Variants in CACNA2D3 observed in about 807,000 individuals in gnomAD.
CACNA2D3 encodes the protein voltage-dependent calcium channel subunit alpha-2/delta-3.
A neutral mutation model predicts 160.6 loss-of-function variants in CACNA2D3; 60 were observed. The ratio of observed to expected loss-of-function variants is 0.37; its 90% CI spans 0.30 to 0.46. The LOEUF (loss-of-function observed/expected upper bound fraction) is 0.46, where lower values mean the gene tolerates loss of function less well. Ranked by LOEUF, CACNA2D3 falls within the 20% of genes least tolerant of loss-of-function variation. CACNA2D3 has a pLI of 1.00. For synonymous variants in CACNA2D3, 558 were observed against 492.9 expected, an observed-to-expected ratio of 1.13 and a Z score of -1.75; for missense variants, 1,205 against 1,365.0, an observed-to-expected ratio of 0.88 and a Z score of 1.85.
chr3:54,901,666 C>A (rs1700336288), intron 27 of CACNA2D3, among the ~76,000 whole-genome samples: 2 of 152,204 alleles, frequency 1.3e-5, no homozygotes, highest in Non-Finnish European at 2.9e-5. Flanking sequence ...AATTACAGAG[C>A]AAGGCCAAGA....
chr3:54,606,144 T>TTATA (rs60294607), intron 9 of CACNA2D3, among the ~76,000 whole-genome samples: 6 of 150,734 alleles, frequency 4.0e-5, no homozygotes, highest in South Asian at 2.1e-4. Flanking sequence ...TAATGTAACT[T>TTATA]TATATATATA....
Position 54,407,579 on chromosome 3 carries a change from C to T in CACNA2D3, c.381+20805C>T, listed in dbSNP as rs147777911. Among the ~76,000 whole-genome samples the T allele has an allele frequency of 2.5e-3, 387 of 152,192 alleles. 4 individuals carry two copies. Among genetic ancestry groups the T allele is most frequent in the African/African-American group, 8.5e-3 (353 of 41,582 alleles). ...TAATTTAAAAATCAAAGCTACTTCT[C>T]AGTTGTTACACACACACACATCTGA... On this transcript the variant is annotated intron_variant, in intron 4 of 37. Coordinates refer to ENST00000474759, the MANE Select transcript of CACNA2D3 (RefSeq NM_018398.3).
intron 2 of CACNA2D3, among the ~76,000 whole-genome samples, chr3:54,233,305 G>A (rs893400611): frequency 6.6e-5 from 10 of 152,302 alleles, no homozygotes; most frequent in African/African-American, 2.4e-4. Context: ...ATGAATGAAT[G>A]ATAGACAGAT....
rs1702998025 is a variant in CACNA2D3 at position 54,801,940 on chromosome 3, CA to C, written c.1381-14912del. On this transcript the variant is annotated intron_variant, in intron 13 of 37. Coordinates refer to ENST00000474759, the MANE Select transcript of CACNA2D3 (RefSeq NM_018398.3). ...TGGAATACATAGATACCATTTTACC[CA>C]TAAGTCTTTCCAACAAAATTGGAAG... Among the ~76,000 whole-genome samples, 4 of 152,214 alleles carry C rather than the reference CA, an allele frequency of 2.6e-5. No homozygotes were observed. In the South Asian group the frequency reaches 8.3e-4, roughly 32 times the overall value.
At chr3:54,264,011 C>T (rs1020666558) in intron 2 of CACNA2D3, among the ~76,000 whole-genome samples, 1 of 152,134 alleles carries the variant, frequency 6.6e-6, no homozygotes, top group South Asian at 2.1e-4. Context: ...ATGTTGCCTT[C>T]TATGTTACAT....
intron 14 of CACNA2D3, among the ~76,000 whole-genome samples, chr3:54,830,553 A>T (rs185406664): frequency 6.6e-6 from 1 of 151,250 alleles, no homozygotes; most frequent in Admixed American, 6.6e-5. Context: ...GGCTCAAGCA[A>T]TTCTCCTGCC....
chr3:55,069,768 G>A (rs991060814), intron 35 of CACNA2D3, among the ~76,000 whole-genome samples: 2 of 152,126 alleles, frequency 1.3e-5, no homozygotes, highest in African/African-American at 4.8e-5. Context: ...GATTTTTATA[G>A]CTTGGCCAAA....
intron 13 of CACNA2D3, among the ~76,000 whole-genome samples, chr3:54,799,273 A>C (rs1440119490): frequency 1.3e-5 from 2 of 152,238 alleles, no homozygotes; most frequent in Non-Finnish European, 2.9e-5. Flanking sequence ...ATATGGCACC[A>C]GCATAGTGCC....
chr3:54,289,034 A>G (rs915289849), intron 2 of CACNA2D3, among the ~76,000 whole-genome samples: 3 of 151,882 alleles, frequency 2.0e-5, no homozygotes, highest in African/African-American at 4.8e-5. Flanking sequence ...CTCTCTCACC[A>G]CTCCTATTCA....
intron 3 of CACNA2D3, among the ~76,000 whole-genome samples, chr3:54,350,979 T>TTTTG (rs1698547036): frequency 2.5e-5 from 1 of 40,192 alleles, no homozygotes. Context: ...TTTTTTTTTT[T>TTTTG]TTGTTTGTTT....
intron 26 of CACNA2D3, 140 bp downstream of exon 26, chr3:54,897,010 C>A: frequency 1.9e-6 from 2 of 1,026,776 alleles, no homozygotes; most frequent in Non-Finnish European, 2.9e-6. Context: ...ATTGGGTCAG[C>A]CCTGAACCAG....
intron 4 of CACNA2D3, among the ~76,000 whole-genome samples, chr3:54,502,247 G>A (rs2106943581): frequency 6.6e-6 from 1 of 152,236 alleles, no homozygotes; most frequent in Middle Eastern, 3.4e-3. Flanking sequence ...TCAGTCTGGT[G>A]TCCCATTACA....
At chr3:54,691,032 GT>G (rs1700561074) in intron 11 of CACNA2D3, among the ~76,000 whole-genome samples, 1 of 152,114 alleles carries the variant, frequency 6.6e-6, no homozygotes. Flanking sequence ...CTCTGATTGT[GT>G]GTGCGTGTGT....
intron 14 of CACNA2D3, among the ~76,000 whole-genome samples, chr3:54,821,964 AGT>A (rs1302193399): frequency 6.6e-6 from 1 of 152,128 alleles, no homozygotes; most frequent in Non-Finnish European, 1.5e-5. Flanking sequence ...TAGTGATTTC[AGT>A]GTTTCATTAC....
intron 2 of CACNA2D3, among the ~76,000 whole-genome samples, chr3:54,127,322 A>T (rs368303585): frequency 6.6e-6 from 1 of 152,246 alleles, no homozygotes; most frequent in South Asian, 2.1e-4. Context: ...TGTTTTTTAC[A>T]TTATCAACTA....
chr3:54,680,839 G>T (rs1295770547), intron 11 of CACNA2D3, among the ~76,000 whole-genome samples: 1 of 152,194 alleles, frequency 6.6e-6, no homozygotes, highest in Non-Finnish European at 1.5e-5. Context: ...ATAATGGGTA[G>T]AAGTGAAAGA....
intron 4 of CACNA2D3, among the ~76,000 whole-genome samples, chr3:54,474,426 A>G (rs1051343028): frequency 1.3e-5 from 2 of 152,142 alleles, no homozygotes; most frequent in Non-Finnish European, 2.9e-5. Context: ...GAGGGATTTC[A>G]TTAGGAGAAA....
intron 35 of CACNA2D3, among the ~76,000 whole-genome samples, chr3:55,036,768 GTTTTAT>G: frequency 6.6e-6 from 1 of 152,230 alleles, no homozygotes; most frequent in South Asian, 2.1e-4. Flanking sequence ...GCTCGGCCGT[GTTTTAT>G]TTTTAAGACA....
intron 11 of CACNA2D3, among the ~76,000 whole-genome samples, chr3:54,735,137 C>T (rs1030020175): frequency 1.3e-5 from 2 of 152,238 alleles, no homozygotes; most frequent in African/African-American, 4.8e-5. Context: ...AATGAATTTA[C>T]ACATTTCCTG....
Sources: gnomAD v4.1 joint callset for allele counts (sites outside exome capture counted in the v4.1 genomes callset) on GRCh38, gnomAD v4.1.1 for gene constraint, MANE v1.5 for transcripts, NCBI Gene and HGNC (gene_info 2026-07-23, HGNC 2026-07-21) for gene names.